Variants in ZDHHC20 observed in about 807,000 individuals in gnomAD.
ZDHHC20 encodes zDHHC palmitoyltransferase 20.
In ZDHHC20, 43 loss-of-function variants were observed where a neutral mutation model predicts 57.8. That is an observed-to-expected ratio of 0.74 (90% CI 0.58 to 0.96). The LOEUF is 0.96. Among genes scored for constraint, ZDHHC20 ranks in the 40% least tolerant of loss-of-function variants. The pLI is 0.00. For missense variants in ZDHHC20, 391 were observed against 441.1 expected (o/e 0.89, Z 1.02); for synonymous variants, 157 against 153.0 (o/e 1.03, Z -0.19).
chr13:21,437,837 G>A (rs1017084231), intron 1 of ZDHHC20, among the ~76,000 whole-genome samples: 6 of 151,968 alleles, frequency 3.9e-5, no homozygotes, highest in South Asian at 2.1e-4. Context: ...GACTACAGGC[G>A]CCCGCCACCA....
intron 1 of ZDHHC20, among the ~76,000 whole-genome samples, chr13:21,440,002 G>A (rs1010153835): frequency 6.8e-6 from 1 of 146,912 alleles, no homozygotes; most frequent in Non-Finnish European, 1.5e-5. Context: ...AGGAGGCAGA[G>A]GTTTCAGTGA....
intron 4 of ZDHHC20, among the ~76,000 whole-genome samples, chr13:21,412,026 G>A (rs79796501): frequency 1.3e-5 from 2 of 152,228 alleles, no homozygotes; most frequent in East Asian, 3.8e-4. Context: ...CTGGATTGAA[G>A]GGCACATGCC....
intron 7 of ZDHHC20, among the ~76,000 whole-genome samples, chr13:21,396,913 C>A (rs1413637114): frequency 6.6e-6 from 1 of 151,980 alleles, no homozygotes; most frequent in Non-Finnish European, 1.5e-5. Context: ...GGATTAATAT[C>A]TTTAGAAGTG....
chr13:21,442,435 G>A (rs549512115), intron 1 of ZDHHC20, among the ~76,000 whole-genome samples: 159 of 152,094 alleles, frequency 1.0e-3, no homozygotes, highest in African/African-American at 3.6e-3. Flanking sequence ...CTTCCTGCTC[G>A]CTGACTGTTT....
chr13:21,405,706 C>T (rs1216050410), intron 4 of ZDHHC20, among the ~76,000 whole-genome samples: 1 of 152,112 alleles, frequency 6.6e-6, no homozygotes, highest in Non-Finnish European at 1.5e-5. Flanking sequence ...ATCTGTACAC[C>T]CTCTCCTCCA....
chr13:21,394,545 A>G (rs1055086619), intron 7 of ZDHHC20, among the ~76,000 whole-genome samples: 1 of 152,242 alleles, frequency 6.6e-6, no homozygotes, highest in Non-Finnish European at 1.5e-5. Flanking sequence ...CCATACAGTA[A>G]GTACTAAATA....
intron 7 of ZDHHC20, among the ~76,000 whole-genome samples, chr13:21,396,443 A>C (rs1156755769): frequency 6.6e-6 from 1 of 152,252 alleles, no homozygotes; most frequent in Non-Finnish European, 1.5e-5. Flanking sequence ...TATATGGAAT[A>C]GACAACAGAC....
chr13:21,427,008 A>G (rs933744792), intron 1 of ZDHHC20, among the ~76,000 whole-genome samples: 2 of 152,074 alleles, frequency 1.3e-5, no homozygotes, highest in Admixed American at 1.3e-4. Flanking sequence ...TGTGCCATGT[A>G]CCTTGTCTAT....
chr13:21,384,827 T>C (rs1874158618), intron 9 of ZDHHC20, among the ~76,000 whole-genome samples: 1 of 152,130 alleles, frequency 6.6e-6, no homozygotes, highest in African/African-American at 2.4e-5. Flanking sequence ...TCAGGCCAAG[T>C]GCAGTAGTAA....
intron 12 of ZDHHC20, chr13:21,377,225 T>C (rs1184141206): frequency 1.8e-5 from 3 of 162,794 alleles, no homozygotes; most frequent in Admixed American, 1.6e-4. Context: ...CCCTAGTGCC[T>C]GCGATCTGAC....
intron 4 of ZDHHC20, among the ~76,000 whole-genome samples, chr13:21,407,478 G>T (rs1878611592): frequency 6.6e-6 from 1 of 152,124 alleles, no homozygotes; most frequent in South Asian, 2.1e-4. Flanking sequence ...TGATGAGGTT[G>T]TTTTTTTCTT....
Position 21,459,073 on chromosome 13 carries a change from G to A in ZDHHC20, c.99C>T (p.Tyr33=). 1.2e-6 allele frequency: 2 copies of A among 1,604,456 alleles called. No homozygotes were observed. Among genetic ancestry groups the A allele is most frequent in the Non-Finnish European group, 1.7e-6 (2 of 1,176,288 alleles). ...ACTCACACACGCAGAGCTCCACCAC[G>A]TACGCGTAGTAGGACCAGACGACCA... ...TFVVVWSYYA[Y]VVELCVFTIF... Residue 33 remains tyrosine (Y), a synonymous_variant, in exon 1 of 13, where the codon TAC becomes TAT. Coordinates refer to ENST00000400590, the MANE Select transcript of ZDHHC20 (RefSeq NM_001330059.2).
chr13:21,398,207 G>C (rs1877092787), intron 7 of ZDHHC20, among the ~76,000 whole-genome samples: 1 of 152,150 alleles, frequency 6.6e-6, no homozygotes, highest in African/African-American at 2.4e-5. Context: ...GCTCACACCT[G>C]TAATCCCAGC....
At chr13:21,404,222 C>T in intron 4 of ZDHHC20, 1 of 447,276 alleles carries the variant, frequency 2.2e-6, no homozygotes, top group South Asian at 1.6e-5. Flanking sequence ...TGCGGTGGCT[C>T]ACTTGGAAAT....
At position 21,425,673 on chromosome 13, in the gene ZDHHC20, T is replaced by G; in HGVS notation, c.124A>C (p.Ile42Leu). Residue 42 changes from isoleucine (I) to leucine (L), a missense_variant, in exon 2 of 13, where the codon ATT becomes CTT. Coordinates refer to ENST00000400590, the MANE Select transcript of ZDHHC20 (RefSeq NM_001330059.2). ...TTACCATTTTCTTCATTTCCAAAAA[T>G]AGTAACTAGAATAGAAGAAAAAATA... ...AYVVELCVFT[I>L]FGNEENGKTV... 8.5e-7 allele frequency: 1 copy of G among 1,180,860 alleles called. No individual in the cohort carries two copies. The highest frequency in any genetic ancestry group is 1.1e-6 in the Non-Finnish European group (1 of 875,150). The allele number at this position is 1,180,860 out of a possible 1,614,324, so 73.1% of individuals were successfully genotyped here. A position where few individuals can be genotyped will look rare whatever the true frequency, so the allele number is the denominator to read the frequency against.
At chr13:21,448,096 G>C (rs1301130661) in intron 1 of ZDHHC20, among the ~76,000 whole-genome samples, 1 of 135,122 alleles carries the variant, frequency 7.4e-6, no homozygotes, top group Non-Finnish European at 1.6e-5. Context: ...CAGCCGCCCC[G>C]TCTGGGAGGT....
chr13:21,442,388 A>G (rs1055587567), intron 1 of ZDHHC20, among the ~76,000 whole-genome samples: 1 of 151,826 alleles, frequency 6.6e-6, no homozygotes, highest in Non-Finnish European at 1.5e-5. Context: ...CTTATTTTCC[A>G]TTTCTTTCCT....
At position 21,374,548 on chromosome 13, in the gene ZDHHC20, C is replaced by T. The variant is rs774784977; in HGVS notation, c.*2148G>A. ...CCACACCCAGCAATAATTGGTATCT[C>T]TTAAATCTCATTCTAGTTTGCTAGA... On this transcript the variant is annotated 3_prime_UTR_variant, in exon 13 of 13. Transcript: ENST00000400590. 47 of 353,758 alleles carry T rather than the reference C, an allele frequency of 1.3e-4. No homozygotes were observed. The highest frequency in any genetic ancestry group is 2.5e-4 in the Non-Finnish European group (43 of 171,210). 21.9% of individuals were successfully genotyped at this position (353,758 alleles called of 1,614,324 possible). A position where few individuals can be genotyped will look rare whatever the true frequency, so the allele number is the denominator to read the frequency against.
intron 9 of ZDHHC20, among the ~76,000 whole-genome samples, chr13:21,385,365 G>A (rs1277623336): frequency 6.6e-6 from 1 of 152,146 alleles, no homozygotes; most frequent in Non-Finnish European, 1.5e-5. Context: ...GGAGGCACAG[G>A]TTGCAGTGAG....
Sources: allele counts gnomAD v4.1 joint callset (sites outside exome capture counted in the v4.1 genomes callset), GRCh38; gene constraint gnomAD v4.1.1; transcripts MANE v1.5; gene names NCBI Gene and HGNC (gene_info 2026-07-23, HGNC 2026-07-21).